EPB41L5: variants seen among roughly 807,000 people sequenced by gnomAD.
EPB41L5 encodes erythrocyte membrane protein band 4.1 like 5.
A neutral mutation model predicts 106.6 loss-of-function variants in EPB41L5; 55 were observed. The observed-to-expected ratio is 0.52, with a 90% CI of 0.42 to 0.65. EPB41L5 has a LOEUF of 0.65. Among genes scored for constraint, EPB41L5 ranks in the 30% least tolerant of loss-of-function variants. The probability of loss-of-function intolerance (pLI) is 0.00; values close to 1 mark genes in which losing one functional copy is unlikely to be tolerated. For missense variants in EPB41L5, 871 were observed against 882.1 expected (o/e 0.99, Z 0.16); for synonymous variants, 297 against 306.7 (o/e 0.97, Z 0.33).
chr2:120,158,225 G>A (rs1686983566), intron 20 of EPB41L5, among the ~76,000 whole-genome samples: 1 of 152,102 alleles, frequency 6.6e-6, no homozygotes, highest in African/African-American at 2.4e-5. Context: ...GAGGAGGAGG[G>A]ACTCCTCCAT....
chr2:120,121,823 C>T (rs1685227951), intron 16 of EPB41L5, among the ~76,000 whole-genome samples: 1 of 152,234 alleles, frequency 6.6e-6, no homozygotes, highest in African/African-American at 2.4e-5. Flanking sequence ...TATTTCTCCA[C>T]ATCCTCTCCA....
rs536598107 is a variant in EPB41L5, at chr2:120,077,343, T to A, written c.714+27T>A. 1.5e-4 allele frequency: 241 copies of A among 1,583,698 alleles called. 2 individuals carry two copies. The South Asian group carries it at 2.6e-3, about 17-fold the overall frequency. Reference sequence around the variant, plus strand: ...TAAGCATTGTGTTGTGATGCTTTTTTAAAAATTTATTCTTTGGAGGTTCGC... The same window carrying A: ...TAAGCATTGTGTTGTGATGCTTTTTAAAAAATTTATTCTTTGGAGGTTCGC... On this transcript the variant is annotated intron_variant, in intron 9 of 24. Coordinates refer to ENST00000263713, the MANE Select transcript of EPB41L5 (RefSeq NM_020909.4).
intron 3 of EPB41L5, among the ~76,000 whole-genome samples, chr2:120,056,059 G>A (rs1680627932): frequency 6.6e-6 from 1 of 152,028 alleles, no homozygotes; most frequent in Admixed American, 6.6e-5. Flanking sequence ...CATCAAGTAT[G>A]GTGTGGGAAT....
At chr2:120,055,700 T>G (rs1290167684) in intron 3 of EPB41L5, among the ~76,000 whole-genome samples, 1 of 152,136 alleles carries the variant, frequency 6.6e-6, no homozygotes, top group East Asian at 1.9e-4. Flanking sequence ...CTAAGCATTT[T>G]ATTCCTTTGG....
At chr2:120,104,355 T>A in intron 16 of EPB41L5, 2 of 1,416,210 alleles carry the variant, frequency 1.4e-6, no homozygotes, top group Non-Finnish European at 1.8e-6. Context: ...TTACAGTGAG[T>A]CACTAGTTGT....
At chr2:120,028,698 G>C (rs1678502954) in intron 2 of EPB41L5, among the ~76,000 whole-genome samples, 1 of 152,048 alleles carries the variant, frequency 6.6e-6, no homozygotes, top group South Asian at 2.1e-4. Flanking sequence ...TTAGTACATG[G>C]ATATGGTTGG....
At chr2:120,075,657 G>T (rs1266201109) in intron 6 of EPB41L5, 44 bp from the exon 7 acceptor site, 3 of 1,529,858 alleles carry the variant, frequency 2.0e-6, no homozygotes, top group East Asian at 2.3e-5. Flanking sequence ...TAAAATGAAG[G>T]TTATGAAATC....
At chr2:120,103,900 T>C (rs543826940) in intron 16 of EPB41L5, among the ~76,000 whole-genome samples, 3 of 152,372 alleles carry the variant, frequency 2.0e-5, no homozygotes, top group East Asian at 1.9e-4. Context: ...CACTTTGTTA[T>C]TCTTGAATGT....
chr2:120,146,925 A>G (rs778570629), intron 20 of EPB41L5, among the ~76,000 whole-genome samples: 4 of 152,206 alleles, frequency 2.6e-5, no homozygotes, highest in Admixed American at 1.3e-4. Flanking sequence ...TCAGTTCCAG[A>G]TACCGCAGTC....
chr2:120,075,787 A>G (rs767614446), intron 7 of EPB41L5, 34 bp downstream of exon 7: 30 of 1,524,892 alleles, frequency 2.0e-5, no homozygotes, highest in Non-Finnish European at 2.3e-5. Flanking sequence ...TTAAGACTCA[A>G]GTATAATCTT....
At chr2:120,032,017 T>C (rs1678746185) in intron 2 of EPB41L5, among the ~76,000 whole-genome samples, 1 of 152,106 alleles carries the variant, frequency 6.6e-6, no homozygotes, top group African/African-American at 2.4e-5. Flanking sequence ...TAAAGGACGT[T>C]CTAAGCAGAA....
At position 120,178,713 on chromosome 2, in the gene EPB41L5, T is replaced by C. The variant is rs1688000100; in HGVS notation, c.*3806T>C. On this transcript the variant is annotated 3_prime_UTR_variant, in exon 25 of 25. Transcript: ENST00000263713. Reference sequence around the variant, plus strand: ...TGCCCTGAGCTGAACTGGGTTGTGTTAACACATTGGTAGAGCTATGATTCC... The same window carrying C: ...TGCCCTGAGCTGAACTGGGTTGTGTCAACACATTGGTAGAGCTATGATTCC... 1 of 152,254 alleles carries C rather than the reference T, an allele frequency of 6.6e-6. No homozygotes were observed. Among genetic ancestry groups the C allele is most frequent in the South Asian group, 2.1e-4 (1 of 4,836 alleles). 9.4% of individuals were successfully genotyped at this position (152,254 alleles called of 1,614,324 possible). A position where few individuals can be genotyped will look rare whatever the true frequency, so the allele number is the denominator to read the frequency against.
chr2:120,129,627 T>C (rs1685609983), intron 17 of EPB41L5, among the ~76,000 whole-genome samples: 1 of 152,222 alleles, frequency 6.6e-6, no homozygotes, highest in South Asian at 2.1e-4. Context: ...TACATACTTT[T>C]TGCAAAATAT....
intron 14 of EPB41L5, among the ~76,000 whole-genome samples, chr2:120,093,660 C>G (rs1160861391): frequency 6.6e-6 from 1 of 152,094 alleles, no homozygotes; most frequent in African/African-American, 2.4e-5. Flanking sequence ...TATAGACCTT[C>G]TTTATGTTAT....
At chr2:120,082,009 G>A in intron 10 of EPB41L5, among the ~76,000 whole-genome samples, 1 of 152,278 alleles carries the variant, frequency 6.6e-6, no homozygotes, top group South Asian at 2.1e-4. Context: ...GAGATTTTGG[G>A]CTGAGATGAT....
intron 16 of EPB41L5, chr2:120,104,098 A>G: frequency 1.3e-6 from 2 of 1,535,346 alleles, no homozygotes; most frequent in Non-Finnish European, 1.7e-6. Flanking sequence ...CGTGGTGGAA[A>G]CCAGTGGAAC....
chr2:120,159,915 T>C (rs1310841211), intron 20 of EPB41L5, among the ~76,000 whole-genome samples: 1 of 152,228 alleles, frequency 6.6e-6, no homozygotes, highest in Non-Finnish European at 1.5e-5. Flanking sequence ...AATGAAATTG[T>C]GTCCTTTGCA....
intron 1 of EPB41L5, among the ~76,000 whole-genome samples, chr2:120,017,889 C>T (rs575427915): frequency 3.3e-5 from 5 of 152,122 alleles, no homozygotes; most frequent in Admixed American, 2.6e-4. Flanking sequence ...CTCCGCCTCC[C>T]GGGTTCACGC....
intron 3 of EPB41L5, among the ~76,000 whole-genome samples, chr2:120,050,908 T>G (rs1242245649): frequency 1.3e-5 from 2 of 152,176 alleles, no homozygotes; most frequent in African/African-American, 4.8e-5. Flanking sequence ...TCTGTTGGAG[T>G]TTGCTGGAGG....
Sources: gnomAD v4.1 joint callset for allele counts (sites outside exome capture counted in the v4.1 genomes callset) on GRCh38, gnomAD v4.1.1 for gene constraint, MANE v1.5 for transcripts, NCBI Gene and HGNC (gene_info 2026-07-23, HGNC 2026-07-21) for gene names.